MMS22L: variants seen among roughly 807,000 people sequenced by gnomAD.
MMS22L encodes the protein protein MMS22-like.
Under a neutral mutation model 159.1 loss-of-function variants are expected in MMS22L, and 74 were observed. The observed-to-expected ratio is 0.47, with a 90% CI of 0.39 to 0.56. The LOEUF (loss-of-function observed/expected upper bound fraction) is 0.56, where lower values mean the gene tolerates loss of function less well. MMS22L is among the 20% of genes least tolerant of loss of function. MMS22L has a pLI of 0.00. For synonymous variants in MMS22L, 517 were observed against 506.9 expected, an observed-to-expected ratio of 1.02 and a Z score of -0.27; for missense variants, 1,351 against 1,422.1, an observed-to-expected ratio of 0.95 and a Z score of 0.80.
At chr6:97,256,209 A>C (rs1813791264) in intron 9 of MMS22L, among the ~76,000 whole-genome samples, 1 of 152,054 alleles carries the variant, frequency 6.6e-6, no homozygotes, top group African/African-American at 2.4e-5. Context: ...TCTTTCAGTG[A>C]TGATCTTAGA....
At chr6:97,256,139 G>A (rs763406436) in intron 9 of MMS22L, among the ~76,000 whole-genome samples, 3 of 151,586 alleles carry the variant, frequency 2.0e-5, no homozygotes, top group Admixed American at 6.6e-5. Flanking sequence ...TCCTTCTCTG[G>A]GGTTGAATAT....
At chr6:97,208,926 C>T (rs1808076260) in intron 14 of MMS22L, among the ~76,000 whole-genome samples, 1 of 151,970 alleles carries the variant, frequency 6.6e-6, no homozygotes, top group African/African-American at 2.4e-5. Context: ...ACTTCCAGTT[C>T]TTAAGTCACT....
At chr6:97,278,796 C>A in intron 4 of MMS22L, 53 bp downstream of exon 4, 1 of 1,474,070 alleles carries the variant, frequency 6.8e-7, no homozygotes, top group Admixed American at 1.7e-5. Context: ...CCATGTGCAA[C>A]TCACTATAAT....
chr6:97,165,647 G>A (rs1582425228), intron 20 of MMS22L, among the ~76,000 whole-genome samples, 190 bp from the exon 21 acceptor site: 1 of 152,134 alleles, frequency 6.6e-6, no homozygotes, highest in Non-Finnish European at 1.5e-5. Context: ...CAATACATAT[G>A]ATATGGCATC....
intron 22 of MMS22L, among the ~76,000 whole-genome samples, chr6:97,154,788 C>T (rs76407262): frequency 4.1e-4 from 62 of 152,254 alleles, no homozygotes; most frequent in East Asian, 2.3e-3. Flanking sequence ...TATCTCTGAA[C>T]GCTTAATTCT....
chr6:97,151,631 A>G (rs1226033477), intron 23 of MMS22L, 140 bp downstream of exon 23: 15 of 673,544 alleles, frequency 2.2e-5, no homozygotes, highest in Non-Finnish European at 3.5e-5. Flanking sequence ...TAACAAAACT[A>G]CTGCCAAAAA....
chr6:97,168,081 A>G lies in MMS22L; in HGVS notation c.2999T>C (p.Leu1000Ser). The G allele has an allele frequency of 6.2e-7, 1 of 1,608,030 alleles. No individual in the cohort carries two copies. The highest frequency in any genetic ancestry group is 8.5e-7 in the Non-Finnish European group (1 of 1,177,818). The change falls in exon 20 of 25, where the codon TTG becomes TCG. Residue 1000 changes from leucine to serine, a missense_variant. Coordinates refer to ENST00000683635, the MANE Select transcript of MMS22L (RefSeq NM_001350599.2). ...MLSAIQKSLP[L>S]YLQGMCIVCC... ...CCACAGATACTATACCTGGAGATACAAAGGAAGACTTTTCTGAATTGCTGA... is the reference window on the plus strand; with the variant it reads ...CCACAGATACTATACCTGGAGATACGAAGGAAGACTTTTCTGAATTGCTGA...
chr6:97,206,916 T>A (rs1022809840), intron 14 of MMS22L, among the ~76,000 whole-genome samples: 5 of 152,178 alleles, frequency 3.3e-5, no homozygotes, highest in Non-Finnish European at 7.4e-5. Context: ...TTTTAAGTTA[T>A]GTTAACACTA....
rs77437981 is a variant in MMS22L at position 97,209,626 on chromosome 6, T to C, written c.2039+19268A>G. Among the ~76,000 whole-genome samples, 1,109 of 152,142 alleles carry C rather than the reference T, an allele frequency of 7.3e-3. 16 individuals are homozygous for C. Among genetic ancestry groups the C allele is most frequent in the African/African-American group, 0.025 (1,035 of 41,546 alleles). On this transcript the variant is annotated intron_variant, in intron 14 of 24. Transcript: ENST00000683635. ...ACATACAAAAGGCCCTAAGCAAATA[T>C]GCTGTTTAGTAATCAACTATGACAT...
At chr6:97,182,977 A>G (rs905351244) in intron 15 of MMS22L, among the ~76,000 whole-genome samples, 1 of 152,022 alleles carries the variant, frequency 6.6e-6, no homozygotes, top group Admixed American at 6.6e-5. Context: ...ATTTTTCTCC[A>G]GTGTCATGGA....
chr6:97,151,989 C>T, intron 22 of MMS22L, 122 bp from the exon 23 acceptor site: 1 of 640,886 alleles, frequency 1.6e-6, no homozygotes, highest in Non-Finnish European at 2.6e-6. Context: ...CATCCTTTTT[C>T]TATTTTTCAA....
Position 97,273,017 on chromosome 6 carries a change from T to C in MMS22L, c.386A>G (p.Gln129Arg). 2 of 1,613,140 alleles carry C rather than the reference T, an allele frequency of 1.2e-6. No homozygotes were observed. Among genetic ancestry groups the C allele is most frequent in the Non-Finnish European group, 1.7e-6 (2 of 1,179,814 alleles). The change falls in exon 5 of 25, where the codon CAG becomes CGG. Residue 129 changes from glutamine to arginine, a missense_variant. Transcript: ENST00000683635. ...LHCKADNIRQ[Q>R]CVLFLHYVKV... is the part of the protein sequence containing the mutation. ...AACATAATGGAGAAATAGTACACAC[T>C]GCTGCCTAATATTGTCTGCTTTGCA...
chr6:97,252,288 AAC>A, intron 10 of MMS22L, among the ~76,000 whole-genome samples: 1 of 152,246 alleles, frequency 6.6e-6, no homozygotes, highest in Middle Eastern at 3.4e-3. Flanking sequence ...ATACAGTTCC[AAC>A]AAGTTTTTAA....
At chr6:97,259,709 A>C (rs898872756) in intron 9 of MMS22L, 4 of 151,470 alleles carry the variant, frequency 2.6e-5, no homozygotes, top group African/African-American at 7.3e-5. Flanking sequence ...ATATATATAT[A>C]TATATCTATA....
At chr6:97,154,246 T>C (rs895133390) in intron 22 of MMS22L, among the ~76,000 whole-genome samples, 4 of 152,228 alleles carry the variant, frequency 2.6e-5, no homozygotes, top group African/African-American at 4.8e-5. Context: ...CTGGTGCTTA[T>C]TGGCCGTTTA....
intron 11 of MMS22L, among the ~76,000 whole-genome samples, chr6:97,235,939 A>G (rs1479888024): frequency 6.6e-6 from 1 of 152,182 alleles, no homozygotes; most frequent in Non-Finnish European, 1.5e-5. Flanking sequence ...AAAGATAGGA[A>G]TTCTTACCTG....
chr6:97,252,274 G>T (rs1032375506), intron 10 of MMS22L, among the ~76,000 whole-genome samples: 4 of 152,058 alleles, frequency 2.6e-5, no homozygotes, highest in Non-Finnish European at 5.9e-5. Context: ...TCAAAAAAGT[G>T]TTAATACAGT....
At chr6:97,181,567 A>G (rs1481640279) in intron 16 of MMS22L, among the ~76,000 whole-genome samples, 1 of 152,200 alleles carries the variant, frequency 6.6e-6, no homozygotes, top group Non-Finnish European at 1.5e-5. Flanking sequence ...AATAAATACC[A>G]GTATCTTACA....
In MMS22L at chr6:97,179,516, G is replaced by T. The variant is rs745795016; in HGVS notation, c.2428C>A (p.Gln810Lys). 1 of 1,613,062 alleles carries T rather than the reference G, an allele frequency of 6.2e-7. No individual in the cohort carries two copies. The highest frequency in any genetic ancestry group is 1.7e-5 in the Admixed American group (1 of 59,934). The change falls in exon 17 of 25, where the codon CAA becomes AAA. Residue 810 changes from glutamine to lysine, a missense_variant. Physicochemically the swap from Gln to Lys is moderately conservative, Grantham distance 53 (BLOSUM62 1). Coordinates refer to ENST00000683635, the MANE Select transcript of MMS22L (RefSeq NM_001350599.2). ...ATCCATGATCTTACGGTTAAGGCTT[G>T]AAAAGATACATAGCCTGAATGAGAA... is the stretch of plus-strand genomic sequence containing the variant. ...ALSHSGYVSF[Q>K]ALTVRSWIRC...
Sources: gnomAD v4.1 joint callset for allele counts (sites outside exome capture counted in the v4.1 genomes callset) on GRCh38, gnomAD v4.1.1 for gene constraint, MANE v1.5 for transcripts, NCBI Gene and HGNC (gene_info 2026-07-23, HGNC 2026-07-21) for gene names.